NDC80: variants seen among roughly 807,000 people sequenced by gnomAD.
NDC80 encodes the protein NDC80 kinetochore complex component.
Under a neutral mutation model 89.3 loss-of-function variants are expected in NDC80, and 69 were observed. That is an observed-to-expected ratio of 0.77 (90% CI 0.64 to 0.94). NDC80 has a LOEUF of 0.94. Ranked by LOEUF, NDC80 falls within the 40% of genes least tolerant of loss-of-function variation. The pLI, the probability that NDC80 is intolerant of heterozygous loss-of-function variation, is 0.00. For missense variants in NDC80, 593 were observed against 739.6 expected, an observed-to-expected ratio of 0.80 and a Z score of 2.30; for synonymous variants, 243 against 255.6, an observed-to-expected ratio of 0.95 and a Z score of 0.47.
Position 2,590,138 on chromosome 18 carries a change from C to T in NDC80, c.991C>T (p.Leu331Phe), listed in dbSNP as rs2072620318. ...SAILDQKLNG[L>F]NEEIARVELE... ...CATTCTTGACCAGAAATTAAATGGT[C>T]TCAATGAGGAAATTGCTAGAGTAGG... The change falls in exon 10 of 17, where the codon CTC becomes TTC. Residue 331 changes from leucine (L) to phenylalanine (F), a missense_variant. Coordinates refer to ENST00000261597, the MANE Select transcript of NDC80 (RefSeq NM_006101.3). 3.1e-6 allele frequency: 5 copies of T among 1,608,458 alleles called. No homozygotes were observed. The highest frequency in any genetic ancestry group is 3.4e-5 in the Admixed American group (2 of 59,028).
intron 16 of NDC80, among the ~76,000 whole-genome samples, chr18:2,612,595 T>C (rs1039409403): frequency 7.2e-5 from 11 of 152,218 alleles, no homozygotes; most frequent in African/African-American, 2.7e-4. Flanking sequence ...GCAGTGATTT[T>C]CTATTATCTG....
At chr18:2,598,797 CA>C (rs1895381296) in intron 11 of NDC80, among the ~76,000 whole-genome samples, 1 of 152,102 alleles carries the variant, frequency 6.6e-6, no homozygotes, top group Non-Finnish European at 1.5e-5. Flanking sequence ...GTACATTACA[CA>C]CCAATTGATA....
At chr18:2,591,627 A>G (rs1428124723) in intron 10 of NDC80, among the ~76,000 whole-genome samples, 2 of 150,584 alleles carry the variant, frequency 1.3e-5, no homozygotes, top group Non-Finnish European at 1.5e-5. Context: ...CTCTAAACCA[A>G]CTCTTTAAAT....
At position 2,608,178 on chromosome 18, in the gene NDC80, A is replaced by G. The variant is rs550357931; in HGVS notation, c.1558-522A>G. Among the ~76,000 whole-genome samples the G allele has an allele frequency of 1.1e-4, 16 of 150,510 alleles. No homozygotes were observed. The East Asian group carries it at 2.7e-3, about 25-fold the overall frequency. ...AAGCTTATATATATTTTAAATTTTA[A>G]TAAATATTTTCAAATTAAAAAATAA... On this transcript the variant is annotated intron_variant, in intron 14 of 16. Transcript: ENST00000261597.
intron 16 of NDC80, among the ~76,000 whole-genome samples, chr18:2,614,176 T>C (rs922625399): frequency 1.3e-5 from 2 of 152,176 alleles, no homozygotes; most frequent in African/African-American, 2.4e-5. Context: ...CAGTGGGTCA[T>C]GCCTGTAATC....
intron 16 of NDC80, among the ~76,000 whole-genome samples, chr18:2,611,978 A>G (rs1414488435): frequency 1.3e-5 from 2 of 151,892 alleles, no homozygotes; most frequent in African/African-American, 2.4e-5. Flanking sequence ...TTCAAGCACT[A>G]AGTGTTTCTA....
At position 2,614,641 on chromosome 18, in the gene NDC80, GAAAGAAAGAAAGAAAT is replaced by G. The variant is rs1326041287; in HGVS notation, c.1792-1792_1792-1777del. ...AGAAAGAAAGAAAGAAAGAAAGAAA[GAAAGAAAGAAAGAAAT>G]AAATTTGGCAATCCGAAAAACCAAC... On this transcript the variant is annotated intron_variant, in intron 16 of 16. Transcript: ENST00000261597. Among the ~76,000 whole-genome samples, 535 of 77,522 alleles carry G rather than the reference GAAAGAAAGAAAGAAAT, an allele frequency of 6.9e-3. 139 individuals carry two copies. The highest frequency in any genetic ancestry group is 0.012 in the African/African-American group (178 of 14,486). 50.9% of individuals were successfully genotyped at this position (77,522 alleles called of 152,430 possible). A position where few individuals can be genotyped will look rare whatever the true frequency, so the allele number is the denominator to read the frequency against.
chr18:2,597,133 ATGTGCACAT>A (rs2072661052), intron 11 of NDC80, among the ~76,000 whole-genome samples: 1 of 152,152 alleles, frequency 6.6e-6, no homozygotes, highest in Non-Finnish European at 1.5e-5. Context: ...TATGTAACTA[ATGTGCACAT>A]TGTGCACATG....
At chr18:2,589,618 G>A (rs966390425) in intron 9 of NDC80, among the ~76,000 whole-genome samples, 2 of 152,186 alleles carry the variant, frequency 1.3e-5, no homozygotes, top group Non-Finnish European at 2.9e-5. Flanking sequence ...GGGAGCATTA[G>A]TCACAAGAAG....
At chr18:2,578,374 G>C (rs141579246) in intron 5 of NDC80, among the ~76,000 whole-genome samples, 6 of 152,170 alleles carry the variant, frequency 3.9e-5, no homozygotes, top group African/African-American at 1.4e-4. Context: ...AACTGATCAA[G>C]TTTGATGATG....
intron 10 of NDC80, among the ~76,000 whole-genome samples, chr18:2,590,781 G>T (rs1473140238): frequency 1.3e-5 from 2 of 152,164 alleles, no homozygotes; most frequent in Non-Finnish European, 2.9e-5. Flanking sequence ...TCAAGCATTT[G>T]GCTTTTTGAA....
chr18:2,609,212 T>A (rs1355200519), intron 15 of NDC80, among the ~76,000 whole-genome samples: 1 of 152,164 alleles, frequency 6.6e-6, no homozygotes, highest in African/African-American at 2.4e-5. Flanking sequence ...TTCCTAGAAA[T>A]TATGTATATT....
chr18:2,572,909 T>G, intron 1 of NDC80, 68 bp from the exon 2 acceptor site: 1 of 1,133,236 alleles, frequency 8.8e-7, no homozygotes, highest in Non-Finnish European at 1.3e-6. Flanking sequence ...TGTTTAAGGA[T>G]AAATAGTTGC....
At chr18:2,600,878 T>G (rs1437652750) in intron 12 of NDC80, among the ~76,000 whole-genome samples, 5 of 152,220 alleles carry the variant, frequency 3.3e-5, no homozygotes, top group Admixed American at 1.3e-4. Flanking sequence ...TTAACCTAAG[T>G]ATTTCAGTTT....
chr18:2,615,794 A>G (rs888870734), intron 16 of NDC80, among the ~76,000 whole-genome samples: 3 of 152,216 alleles, frequency 2.0e-5, no homozygotes, highest in African/African-American at 7.2e-5. Flanking sequence ...ATTTTAAAAT[A>G]CTATATGAAA....
rs2072650276 is a variant in NDC80 at position 2,595,511 on chromosome 18, CAT to C, written c.1112_1113del (p.His371ArgfsTer4). ...AGTTGCAGACATTGAGCGAATAAAT[CAT>C]GAAAGAAATGAATTGCAGCAGACTA... ...YSVADIERIN[H>X]ERNELQQTIN... On this transcript the variant is annotated frameshift_variant, in exon 11 of 17. Coordinates refer to ENST00000261597, the MANE Select transcript of NDC80 (RefSeq NM_006101.3). LOFTEE classifies it high-confidence loss of function. 6.2e-7 allele frequency: 1 copy of C among 1,613,702 alleles called. No individual in the cohort carries two copies. Among genetic ancestry groups the C allele is most frequent in the Non-Finnish European group, 8.5e-7 (1 of 1,179,786 alleles).
chr18:2,602,958 AAGCTTGAGG>A (rs2072691522), intron 13 of NDC80, among the ~76,000 whole-genome samples: 1 of 151,962 alleles, frequency 6.6e-6, no homozygotes. Flanking sequence ...CTGCATGTGC[AAGCTTGAGG>A]AGAAAGAAGT....
chr18:2,605,270 ATGTATGTGTGTGTGTGTGTGTGTG>A (rs1568010179), intron 13 of NDC80, among the ~76,000 whole-genome samples: 2,055 of 98,186 alleles, frequency 0.021, 54 homozygotes, highest in African/African-American at 0.074. Context: ...GGCGGGCTAT[ATGTATGTGTGTGTGTGTGTGTGTG>A]TGTGTGTGTG....
At position 2,608,771 on chromosome 18, in the gene NDC80, A is replaced by G. The variant is rs758037949; in HGVS notation, c.1629A>G (p.Glu543=). The stretch of plus-strand genomic sequence containing the variant: ...TGGAGAAACACAAGCACCTGCTAGA[A>G]AGTACTGTTAACCAGGGGCTCAGTG... The part of the protein sequence containing the change: ...ESLEKHKHLL[E]STVNQGLSEA... Residue 543 remains glutamate (E), a synonymous_variant, in exon 15 of 17, where the codon GAA becomes GAG. Transcript: ENST00000261597. 6 of 1,613,332 alleles carry G rather than the reference A, an allele frequency of 3.7e-6. 1 individual carries two copies.
Sources: gnomAD v4.1 joint callset for allele counts (sites outside exome capture counted in the v4.1 genomes callset) on GRCh38, gnomAD v4.1.1 for gene constraint, MANE v1.5 for transcripts, NCBI Gene and HGNC (gene_info 2026-07-23, HGNC 2026-07-21) for gene names.